PCNX2: variants seen among roughly 807,000 people sequenced by gnomAD.
The protein encoded by PCNX2 is pecanex-like protein 2.
Under a neutral mutation model 223.8 loss-of-function variants are expected in PCNX2, and 168 were observed. The ratio of observed to expected loss-of-function variants is 0.75; its 90% CI spans 0.66 to 0.85. The LOEUF is 0.85. PCNX2 is among the 40% of genes least tolerant of loss of function. The probability of loss-of-function intolerance (pLI) is 0.00; values close to 1 mark genes in which losing one functional copy is unlikely to be tolerated. For synonymous variants in PCNX2, 1,006 were observed against 1,052.6 expected (o/e 0.96, Z 0.86); for missense variants, 2,507 against 2,675.5 (o/e 0.94, Z 1.39).
chr1:232,988,747 T>C (rs1171472414), intron 32 of PCNX2, among the ~76,000 whole-genome samples: 1 of 152,198 alleles, frequency 6.6e-6, no homozygotes, highest in Non-Finnish European at 1.5e-5. Flanking sequence ...TATGAATTCC[T>C]AACTGCTCAC....
At position 233,139,832 on chromosome 1, in the gene PCNX2, C is replaced by T. The variant is rs758671317; in HGVS notation, c.3541G>A (p.Glu1181Lys). The change falls in exon 20 of 34, where the codon GAA (glutamate) becomes AAA (lysine). Residue 1181 changes from glutamate (E) to lysine (K), a missense_variant. Physicochemically the swap from Glu to Lys is moderately conservative, Grantham distance 56. Coordinates refer to ENST00000258229, the MANE Select transcript of PCNX2 (RefSeq NM_014801.4). This position sits in a 1 kb window ranked among gnomAD's most constrained non-coding sequence, Gnocchi z 4.4. ...VRDVAHLMWF[E>K]RLYVWLQCFE... ...CACTGAAGCCAAACATAGAGTCTTT[C>T]GAACCACATTAAATGGGCAACATCT... 1.9e-5 allele frequency: 30 copies of T among 1,613,048 alleles called. No individual in the cohort carries two copies. Among genetic ancestry groups the T allele is most frequent in the African/African-American group, 5.3e-5 (4 of 74,916 alleles).
At chr1:233,298,843 C>T (rs899707724), upstream of PCNX2, among the ~76,000 whole-genome samples, 3 of 152,182 alleles carry the variant, frequency 2.0e-5, no homozygotes, top group Non-Finnish European at 4.4e-5. Context: ...GATCATGCCA[C>T]TGCACTCCAG....
chr1:233,199,504 C>T (rs1450135382), intron 14 of PCNX2, among the ~76,000 whole-genome samples: 1 of 151,872 alleles, frequency 6.6e-6, no homozygotes, highest in Admixed American at 6.6e-5. Context: ...ACAGTGATTG[C>T]ATTATGCACA....
intron 1 of PCNX2, among the ~76,000 whole-genome samples, chr1:233,271,310 A>C (rs1211089115): frequency 6.6e-6 from 1 of 152,196 alleles, no homozygotes; most frequent in Non-Finnish European, 1.5e-5. Flanking sequence ...TACATGATCA[A>C]CACCATATTT....
chr1:233,093,566 T>C (rs1046521542), intron 22 of PCNX2, among the ~76,000 whole-genome samples: 1 of 152,202 alleles, frequency 6.6e-6, no homozygotes, highest in Non-Finnish European at 1.5e-5. Flanking sequence ...TTTTCAACTA[T>C]TGATCTCATT....
chr1:233,068,932 A>C (rs958893652), intron 23 of PCNX2, among the ~76,000 whole-genome samples: 1 of 152,152 alleles, frequency 6.6e-6, no homozygotes, highest in African/African-American at 2.4e-5. Flanking sequence ...TGCCTACAAG[A>C]AATTCAAATA....
rs1207866795 is a variant in PCNX2, at chr1:233,124,758, G to A, written c.3837+10255C>T. ...ATCATTAAGTGCACATTGCAGGCTA[G>A]TCTTTGCATCACACATATTTAGCAT... On this transcript the variant is annotated intron_variant, in intron 21 of 33. Coordinates refer to ENST00000258229, the MANE Select transcript of PCNX2 (RefSeq NM_014801.4). Among the ~76,000 whole-genome samples, 5 of 152,348 alleles carry A rather than the reference G, an allele frequency of 3.3e-5. No individual in the cohort carries two copies. The East Asian group carries it at 7.7e-4, about 23-fold the overall frequency.
At chr1:233,284,570 C>T (rs988959876) in intron 1 of PCNX2, among the ~76,000 whole-genome samples, 2 of 152,124 alleles carry the variant, frequency 1.3e-5, no homozygotes, top group African/African-American at 2.4e-5. Context: ...ACAATGATCA[C>T]TGTGTTATTC....
In PCNX2 at chr1:233,224,929, T is replaced by A. The variant is rs916483160; in HGVS notation, c.2504+2297A>T. Among the ~76,000 whole-genome samples, 18 of 151,708 alleles carry A rather than the reference T, an allele frequency of 1.2e-4. 1 individual carries two copies. Among genetic ancestry groups the A allele is most frequent in the African/African-American group, 4.1e-4 (17 of 41,328 alleles). Reference sequence around the variant, plus strand: ...ACATATAGACACAGGGAGGAGAACATCACACACCGGGGCCTGTCAGGGTTT... The same window carrying A: ...ACATATAGACACAGGGAGGAGAACAACACACACCGGGGCCTGTCAGGGTTT... On this transcript the variant is annotated intron_variant, in intron 10 of 33. Coordinates refer to ENST00000258229, the MANE Select transcript of PCNX2 (RefSeq NM_014801.4).
chr1:233,041,788 T>C (rs1006506069), intron 25 of PCNX2, among the ~76,000 whole-genome samples: 10 of 152,332 alleles, frequency 6.6e-5, no homozygotes, highest in Non-Finnish European at 1.2e-4. Flanking sequence ...TAAGTCCTTA[T>C]GTGTGAATAA....
intron 13 of PCNX2, 79 bp from the exon 14 acceptor site, chr1:233,200,343 C>T (rs1680998270): frequency 1.0e-6 from 1 of 975,720 alleles, no homozygotes; most frequent in Non-Finnish European, 1.5e-6. Context: ...CTGTCTCTCT[C>T]CCCTTCCAAA....
intron 26 of PCNX2, among the ~76,000 whole-genome samples, chr1:233,022,783 C>T (rs6662095): frequency 0.2 from 30,790 of 150,278 alleles, 4,448 homozygotes; most frequent in African/African-American, 0.41. Context: ...CTGCAACTTC[C>T]GCCTCCCTGG....
chr1:233,252,062 A>T (rs540795341), intron 7 of PCNX2, among the ~76,000 whole-genome samples: 1 of 152,366 alleles, frequency 6.6e-6, no homozygotes, highest in Non-Finnish European at 1.5e-5. Flanking sequence ...TAAGAGAACA[A>T]CAAAAACTGA....
chr1:233,293,957 A>T (rs1235160957), intron 1 of PCNX2: 23 of 985,194 alleles, frequency 2.3e-5, no homozygotes, highest in Non-Finnish European at 2.7e-5. Context: ...GGGTTAAGAA[A>T]AATGGTGCGG....
In PCNX2 at chr1:233,236,877, C is replaced by G; in HGVS notation, c.2326G>C (p.Val776Leu). The G allele has an allele frequency of 6.2e-7, 1 of 1,613,964 alleles. No individual in the cohort carries two copies. Among genetic ancestry groups the G allele is most frequent in the Non-Finnish European group, 8.5e-7 (1 of 1,179,860 alleles). ...GTTTCCGACTGGGTCCTGCGAGCCA[C>G]CATCAGTAACAGCTGTTGCTGAAGG... ...SALQQQLLLM[V>L]ARRTQSETPR... Residue 776 changes from valine (V) to leucine (L), a missense_variant, in exon 9 of 34, where the codon GTG becomes CTG. Physicochemically the swap from Val to Leu is conservative, Grantham distance 32. Coordinates refer to ENST00000258229, the MANE Select transcript of PCNX2 (RefSeq NM_014801.4).
Position 232,998,326 on chromosome 1 carries a change from C to T in PCNX2, c.5716G>A (p.Glu1906Lys). The T allele has an allele frequency of 6.2e-7, 1 of 1,613,134 alleles. No individual in the cohort carries two copies. The highest frequency in any genetic ancestry group is 8.5e-7 in the Non-Finnish European group (1 of 1,179,552). ...GNNAPSGGSQ[E>K]SSAEQPRKGG... Reference sequence around the variant, plus strand: ...TTTCTGGGCTGTTCTGCGCTGCTCTCCTGGCTGCCACCACTCGGGGCATTG... The same window carrying T: ...TTTCTGGGCTGTTCTGCGCTGCTCTTCTGGCTGCCACCACTCGGGGCATTG... Residue 1906 changes from glutamate (E) to lysine (K), a missense_variant, in exon 32 of 34, where the codon GAG becomes AAG. This residue lies in a region of PCNX2 where 1,372 missense variants were observed against 1,509.4 expected (regional missense o/e 0.91). Transcript: ENST00000258229.
In PCNX2 at chr1:232,984,474, G is replaced by C. The variant is rs759994952; in HGVS notation, c.6244C>G (p.Leu2082Val). 6.2e-7 allele frequency: 1 copy of C among 1,611,918 alleles called. No individual in the cohort carries two copies. Among genetic ancestry groups the C allele is most frequent in the South Asian group, 1.1e-5 (1 of 90,908 alleles). The stretch of plus-strand genomic sequence containing the variant: ...TCAGGGGGCTCACATGGCTCGGAGA[G>C]GTGCTTCCAAAGAGAAGAGAGAAAC... ...ARAASQATRH[L>V]SEPCEPPDAT... Residue 2082 changes from leucine (L) to valine (V), a missense_variant, in exon 34 of 34, where the codon CTC (leucine) becomes GTC (valine). Leu to Val is a conservative substitution (Grantham distance 32). Transcript: ENST00000258229.
intron 21 of PCNX2, among the ~76,000 whole-genome samples, chr1:233,127,343 CA>C (rs1373005364): frequency 4.6e-5 from 7 of 152,104 alleles, no homozygotes; most frequent in Non-Finnish European, 7.4e-5. Context: ...CGGAATGTGC[CA>C]ACTCCTCTCT....
At chr1:233,259,934 A>T (rs1659961619) in intron 4 of PCNX2, 1 of 541,642 alleles carries the variant, frequency 1.8e-6, no homozygotes, top group African/African-American at 2.1e-5. Flanking sequence ...TTTACATTGT[A>T]TTAGGTATTA....
Sources: allele counts gnomAD v4.1 joint callset (sites outside exome capture counted in the v4.1 genomes callset), GRCh38; gene constraint gnomAD v4.1.1; regional missense constraint gnomAD v4.1.1; non-coding constraint Gnocchi (gnomAD v3.1); transcripts MANE v1.5; gene names NCBI Gene and HGNC (gene_info 2026-07-23, HGNC 2026-07-21).